The following ESRP1 variants were observed in gnomAD, a reference collection of about 807,000 sequenced individuals.
The protein encoded by ESRP1 is epithelial splicing regulatory protein 1, also known as RNA-binding motif protein 35A.
In ESRP1, 33 loss-of-function variants were observed where a neutral mutation model predicts 81.7. The ratio of observed to expected loss-of-function variants is 0.40; its 90% confidence interval spans 0.31 to 0.54. The LOEUF (loss-of-function observed/expected upper bound fraction) is 0.54. ESRP1 is among the 20% of genes least tolerant of loss of function. The pLI, the probability that ESRP1 is intolerant of heterozygous loss-of-function variation, is 0.41. For missense variants in ESRP1, 672 were observed against 833.1 expected (o/e 0.81, Z 2.38); for synonymous variants, 320 against 303.3 (o/e 1.06, Z -0.57).
intron 13 of ESRP1, chr8:94,688,558 A>G: frequency 4.8e-6 from 1 of 210,234 alleles, no homozygotes; most frequent in Non-Finnish European, 9.9e-6. Context: ...ATCACAGACC[A>G]TGAAGAAGCA....
intron 14 of ESRP1, among the ~76,000 whole-genome samples, 185 bp downstream of exon 14, chr8:94,693,012 G>A (rs1450404386): frequency 7.6e-6 from 1 of 131,818 alleles, no homozygotes; most frequent in East Asian, 2.5e-4. Flanking sequence ...TCATCCCCTT[G>A]TCAGAAATTA....
In ESRP1 at chr8:94,641,259, T is replaced by A; in HGVS notation, c.-60T>A. 1 of 1,543,300 alleles carries A rather than the reference T, an allele frequency of 6.5e-7. No individual in the cohort carries two copies. ...GGGTTTAGCACAGGTTTTTTCGTTC[T>A]CACTTCCACACCACCTTACCGCCTC... On this transcript the variant is annotated 5_prime_UTR_variant, in exon 1 of 16. Coordinates refer to ENST00000433389, the MANE Select transcript of ESRP1 (RefSeq NM_017697.4).
chr8:94,686,659 A>G (rs996076727), intron 13 of ESRP1, among the ~76,000 whole-genome samples: 6 of 152,276 alleles, frequency 3.9e-5, no homozygotes, highest in Non-Finnish European at 8.8e-5. Flanking sequence ...GGTCCTATCA[A>G]TTTTTGAACT....
intron 6 of ESRP1, among the ~76,000 whole-genome samples, chr8:94,662,810 A>G (rs1818816282): frequency 6.6e-6 from 1 of 152,140 alleles, no homozygotes; most frequent in East Asian, 1.9e-4. Flanking sequence ...GGGTTTCACC[A>G]TATTAGCCAG....
intron 6 of ESRP1, among the ~76,000 whole-genome samples, chr8:94,663,885 T>C (rs1818883255): frequency 6.6e-6 from 1 of 152,166 alleles, no homozygotes; most frequent in Non-Finnish European, 1.5e-5. Context: ...ATGGACATTC[T>C]CTGGGATGGC....
At position 94,706,934 on chromosome 8, in the gene ESRP1, A is replaced by C. The variant is rs1810089297; in HGVS notation, c.*1045A>C. 6.6e-6 allele frequency: 1 copy of C among 152,244 alleles called. No homozygotes were observed. Among genetic ancestry groups the C allele is most frequent in the Non-Finnish European group, 1.5e-5 (1 of 68,040 alleles). The allele number at this position is 152,244 out of a possible 1,614,324, so 9.4% of individuals were successfully genotyped here. Reference sequence around the variant, plus strand: ...GGACTATAGTCAGCATGCTAGACTGAGAGGTAAACACTGATGCAATTAGAA... The same window carrying C: ...GGACTATAGTCAGCATGCTAGACTGCGAGGTAAACACTGATGCAATTAGAA... On this transcript the variant is annotated 3_prime_UTR_variant, in exon 16 of 16. Transcript: ENST00000433389.
In ESRP1 at chr8:94,692,249, C is replaced by A. The variant is rs572197273; in HGVS notation, c.1821-428C>A. Among the ~76,000 whole-genome samples, 9 of 152,234 alleles carry A rather than the reference C, an allele frequency of 5.9e-5. No individual in the cohort carries two copies. In the East Asian group the frequency reaches 1.5e-3, roughly 26 times the overall value. On this transcript the variant is annotated intron_variant, in intron 13 of 15. Transcript: ENST00000433389. ...AGGTAGAACAGTCTATTCTTTGGTGCAATCACTTTGGATACTTCTGGTCTC... is the reference window on the plus strand; with the variant it reads ...AGGTAGAACAGTCTATTCTTTGGTGAAATCACTTTGGATACTTCTGGTCTC...
At position 94,664,634 on chromosome 8, in the gene ESRP1, G is replaced by T. The variant is rs1271624778; in HGVS notation, c.645-63G>T. The stretch of plus-strand genomic sequence containing the variant: ...TGTAACTAGGCAGTTGTCTTGCAGG[G>T]GGTAATAGGTGTCTGACTTGCTAGC... On this transcript the variant is annotated intron_variant, in intron 6 of 15. Coordinates refer to ENST00000433389, the MANE Select transcript of ESRP1 (RefSeq NM_017697.4). 5.2e-6 allele frequency: 6 copies of T among 1,151,444 alleles called. No individual in the cohort carries two copies. The Admixed American group carries it at 1.0e-4, about 20-fold the overall frequency. The allele number at this position is 1,151,444 out of a possible 1,614,324, so 71.3% of individuals were successfully genotyped here.
intron 15 of ESRP1, among the ~76,000 whole-genome samples, chr8:94,703,427 G>A (rs372127917): frequency 1.3e-5 from 2 of 152,080 alleles, no homozygotes; most frequent in East Asian, 3.8e-4. Context: ...TGGGATTACA[G>A]GCATAAACCA....
rs577184328 is a variant in ESRP1 at position 94,699,825 on chromosome 8, A to C, written c.*35+2864A>C. On this transcript the variant is annotated intron_variant, in intron 15 of 15. Transcript: ENST00000433389. Reference sequence around the variant, plus strand: ...TCACCACCCAGAAACAAGCATAATAAATACTTCCTTTCATCCTCTCATACC... The same window carrying C: ...TCACCACCCAGAAACAAGCATAATACATACTTCCTTTCATCCTCTCATACC... 2.6e-5 allele frequency among the ~76,000 whole-genome samples: 4 copies of C among 152,174 alleles called. No individual in the cohort carries two copies. The East Asian group carries it at 7.7e-4, about 29-fold the overall frequency.
At chr8:94,680,573 A>G (rs974542043) in intron 13 of ESRP1, among the ~76,000 whole-genome samples, 43 of 152,188 alleles carry the variant, frequency 2.8e-4, no homozygotes, top group Middle Eastern at 3.4e-3. Context: ...CATTACAGGC[A>G]TGTGCCACCA....
chr8:94,694,719 T>C (rs760199356), intron 14 of ESRP1, among the ~76,000 whole-genome samples: 21 of 152,254 alleles, frequency 1.4e-4, no homozygotes, highest in Non-Finnish European at 2.2e-4. Context: ...TTAGATAACA[T>C]AACTTCAGTC....
intron 4 of ESRP1, among the ~76,000 whole-genome samples, chr8:94,650,791 C>A (rs904573378): frequency 9.3e-5 from 13 of 139,288 alleles, no homozygotes; most frequent in African/African-American, 3.2e-4. Context: ...TGGCTAACTG[C>A]AAGCACCGCC....
intron 6 of ESRP1, among the ~76,000 whole-genome samples, chr8:94,663,677 A>C (rs1369027551): frequency 6.6e-6 from 1 of 152,212 alleles, no homozygotes; most frequent in African/African-American, 2.4e-5. Flanking sequence ...TCTGAAGTGA[A>C]TAGAAACTTC....
intron 13 of ESRP1, chr8:94,688,418 C>T (rs1418787448): frequency 7.2e-6 from 2 of 275,984 alleles, no homozygotes; most frequent in African/African-American, 2.3e-5. Flanking sequence ...TGTTGTGAAC[C>T]TCACAGGCAA....
At chr8:94,704,772 A>G (rs1456076396) in intron 15 of ESRP1, among the ~76,000 whole-genome samples, 3 of 17,490 alleles carry the variant, frequency 1.7e-4, no homozygotes, top group Admixed American at 5.5e-4. Flanking sequence ...TTTTGAAAAA[A>G]AAAAAAAAAA....
chr8:94,703,983 C>G (rs376580345), intron 15 of ESRP1, among the ~76,000 whole-genome samples: 10 of 152,234 alleles, frequency 6.6e-5, no homozygotes, highest in Non-Finnish European at 1.0e-4. Context: ...AAAGGAGAAG[C>G]CTTTCAGCAT....
intron 4 of ESRP1, among the ~76,000 whole-genome samples, chr8:94,659,082 G>A (rs1818584193): frequency 6.6e-6 from 1 of 151,942 alleles, no homozygotes; most frequent in Non-Finnish European, 1.5e-5. Flanking sequence ...ATGGGGACTC[G>A]CTATCTCAGG....
chr8:94,656,169 C>T (rs1038633434), intron 4 of ESRP1: 3 of 148,544 alleles, frequency 2.0e-5, no homozygotes. Flanking sequence ...GAATAGCCAC[C>T]ACACTCCAGC....
Sources: allele counts gnomAD v4.1 joint callset (sites outside exome capture counted in the v4.1 genomes callset), GRCh38; gene constraint gnomAD v4.1.1; transcripts MANE v1.5; gene names NCBI Gene and HGNC (gene_info 2026-07-23, HGNC 2026-07-21).